Variants in OSBPL1A observed in about 807,000 individuals in gnomAD.
OSBPL1A encodes oxysterol-binding protein-related protein 1.
A neutral mutation model predicts 137.1 loss-of-function variants in OSBPL1A; 80 were observed. The observed-to-expected ratio is 0.58, with a 90% CI of 0.49 to 0.70. The LOEUF (loss-of-function observed/expected upper bound fraction) is 0.70, where lower values mean the gene tolerates loss of function less well. Among genes scored for constraint, OSBPL1A ranks in the 30% least tolerant of loss-of-function variants. The probability of loss-of-function intolerance (pLI) is 0.00; values close to 1 mark genes in which losing one functional copy is unlikely to be tolerated. For missense variants in OSBPL1A, 970 were observed against 1,129.4 expected, an observed-to-expected ratio of 0.86 and a Z score of 2.02; for synonymous variants, 365 against 389.7, an observed-to-expected ratio of 0.94 and a Z score of 0.75.
chr18:24,228,148 T>C (rs1031470327), intron 16 of OSBPL1A, among the ~76,000 whole-genome samples: 1 of 152,088 alleles, frequency 6.6e-6, no homozygotes, highest in African/African-American at 2.4e-5. Flanking sequence ...GTGGGACCAC[T>C]GCACTGACCC....
At position 24,384,554 on chromosome 18, in the gene OSBPL1A, C is replaced by T. The variant is rs1304532780; in HGVS notation, c.-2-7019G>A. On this transcript the variant is annotated intron_variant, in intron 1 of 27. Transcript: ENST00000319481. ...CAGCACTCCAGCCTGGGTGACAGAG[C>T]GAGATCCTGTCTCAGAAACAAACAA... Among the ~76,000 whole-genome samples, 3 of 146,528 alleles carry T rather than the reference C, an allele frequency of 2.0e-5. No individual in the cohort carries two copies. In the East Asian group the frequency reaches 6.1e-4, roughly 30 times the overall value.
chr18:24,377,327 G>C, intron 2 of OSBPL1A, 86 bp downstream of exon 2: 1 of 1,430,350 alleles, frequency 7.0e-7, no homozygotes, highest in African/African-American at 1.4e-5. Flanking sequence ...TTAATTACAT[G>C]ATAGATAAGA....
intron 15 of OSBPL1A, among the ~76,000 whole-genome samples, chr18:24,245,531 C>A (rs1446225487): frequency 6.6e-6 from 1 of 152,186 alleles, no homozygotes; most frequent in African/African-American, 2.4e-5. Flanking sequence ...AGTAAGAGCT[C>A]TTCTGCACAC....
chr18:24,245,401 C>T (rs559417685), intron 15 of OSBPL1A, among the ~76,000 whole-genome samples: 1 of 152,234 alleles, frequency 6.6e-6, no homozygotes, highest in Non-Finnish European at 1.5e-5. Context: ...ATGCTTATTG[C>T]TGTGGCTAGA....
chr18:24,274,100 GGT>G (rs1476620674), intron 15 of OSBPL1A, among the ~76,000 whole-genome samples: 2 of 152,026 alleles, frequency 1.3e-5, no homozygotes, highest in African/African-American at 4.8e-5. Flanking sequence ...AGGGTATGGT[GGT>G]GTGTGCCTGT....
chr18:24,298,860 C>T (rs1465776534), intron 14 of OSBPL1A, among the ~76,000 whole-genome samples: 1 of 152,018 alleles, frequency 6.6e-6, no homozygotes, highest in Non-Finnish European at 1.5e-5. Context: ...ATGTTGCTGT[C>T]TATCTCATTT....
chr18:24,367,228 T>TTA (rs35876308), intron 3 of OSBPL1A, among the ~76,000 whole-genome samples: 33,530 of 146,918 alleles, frequency 0.23, 3,894 homozygotes, highest in Middle Eastern at 0.29. Flanking sequence ...AGACTCCATC[T>TTA]TATATATATA....
At chr18:24,208,818 T>G (rs1411827107) in intron 17 of OSBPL1A, among the ~76,000 whole-genome samples, 1 of 152,204 alleles carries the variant, frequency 6.6e-6, no homozygotes, top group East Asian at 1.9e-4. Flanking sequence ...TATTCCATAG[T>G]ATCAACAACA....
intron 7 of OSBPL1A, chr18:24,321,704 C>T (rs1433788754): frequency 1.9e-6 from 1 of 523,776 alleles, no homozygotes; most frequent in Non-Finnish European, 3.9e-6. Flanking sequence ...TCCAGTTCTT[C>T]CCAGAATTGG....
At chr18:24,394,970 C>T (rs1210177742) in intron 1 of OSBPL1A, among the ~76,000 whole-genome samples, 2 of 152,200 alleles carry the variant, frequency 1.3e-5, no homozygotes, top group East Asian at 1.9e-4. Flanking sequence ...AGTACCAACA[C>T]AGAATTAGTG....
chr18:24,166,842 C>A, intron 25 of OSBPL1A, 140 bp from the exon 26 acceptor site: 2 of 868,072 alleles, frequency 2.3e-6, no homozygotes, highest in Non-Finnish European at 3.4e-6. Context: ...TCAGATCACA[C>A]GTATCTAAAT....
intron 15 of OSBPL1A, among the ~76,000 whole-genome samples, chr18:24,247,470 G>A (rs183483774): frequency 6.6e-6 from 1 of 152,150 alleles, no homozygotes; most frequent in East Asian, 1.9e-4. Flanking sequence ...TGGACAAGAG[G>A]TGTTTGTTTG....
intron 17 of OSBPL1A, among the ~76,000 whole-genome samples, chr18:24,210,119 C>T (rs2087488892): frequency 6.6e-6 from 1 of 152,144 alleles, no homozygotes; most frequent in Non-Finnish European, 1.5e-5. Flanking sequence ...ATCAATTAAA[C>T]TCTTAAAAAT....
chr18:24,375,898 C>A (rs541927887), intron 2 of OSBPL1A, among the ~76,000 whole-genome samples: 2 of 152,154 alleles, frequency 1.3e-5, no homozygotes, highest in South Asian at 2.1e-4. Flanking sequence ...AATGAAGCCG[C>A]GGACCCTCGC....
intron 1 of OSBPL1A, among the ~76,000 whole-genome samples, chr18:24,378,708 C>T (rs1174185337): frequency 6.6e-6 from 1 of 152,160 alleles, no homozygotes; most frequent in African/African-American, 2.4e-5. Context: ...GGCATGGTTT[C>T]AAAACAGAGC....
At chr18:24,325,942 C>T (rs1041338245) in intron 7 of OSBPL1A, among the ~76,000 whole-genome samples, 1 of 151,994 alleles carries the variant, frequency 6.6e-6, no homozygotes, top group Non-Finnish European at 1.5e-5. Flanking sequence ...TTTTTTCAGA[C>T]ATGGAGTCTT....
intron 6 of OSBPL1A, among the ~76,000 whole-genome samples, 187 bp from the exon 7 acceptor site, chr18:24,333,273 G>T (rs140035977): frequency 2.6e-5 from 4 of 152,278 alleles, no homozygotes; most frequent in Admixed American, 6.5e-5. Flanking sequence ...CAGATGCCCT[G>T]AGATAGATCT....
At chr18:24,249,638 T>C (rs1162444212) in intron 15 of OSBPL1A, among the ~76,000 whole-genome samples, 3 of 152,112 alleles carry the variant, frequency 2.0e-5, no homozygotes, top group East Asian at 1.9e-4. Flanking sequence ...ATTGAACTCA[T>C]TGCTCCCCTG....
rs2086055449 is a variant in OSBPL1A, at chr18:24,163,006, T to C, written c.*173A>G. The C allele has an allele frequency of 2.1e-6, 1 of 484,334 alleles. No individual in the cohort carries two copies. The highest frequency in any genetic ancestry group is 3.8e-5 in the Admixed American group (1 of 26,382). 30.0% of individuals were successfully genotyped at this position (484,334 alleles called of 1,614,324 possible). A position where few individuals can be genotyped will look rare whatever the true frequency, so the allele number is the denominator to read the frequency against. On this transcript the variant is annotated 3_prime_UTR_variant, in exon 28 of 28. Coordinates refer to ENST00000319481, the MANE Select transcript of OSBPL1A (RefSeq NM_080597.4). ...AAATTATGCATTTTTCCTAAGACTT[T>C]CATCACCAATATCGCCTTATACCCT...
Sources: gnomAD v4.1 joint callset for allele counts (sites outside exome capture counted in the v4.1 genomes callset) on GRCh38, gnomAD v4.1.1 for gene constraint, MANE v1.5 for transcripts, NCBI Gene and HGNC (gene_info 2026-07-23, HGNC 2026-07-21) for gene names.